Variants in SIPA1L2 observed in about 807,000 individuals in gnomAD.
SIPA1L2 encodes the protein signal-induced proliferation-associated 1-like protein 2.
Under a neutral mutation model 163.9 loss-of-function variants are expected in SIPA1L2, and 56 were observed. The observed-to-expected ratio is 0.34, with a 90% CI of 0.28 to 0.43. SIPA1L2 has a LOEUF of 0.43. Ranked by LOEUF, SIPA1L2 falls within the 20% of genes least tolerant of loss-of-function variation. SIPA1L2 has a pLI of 1.00. For missense variants in SIPA1L2, 1,974 were observed against 2,193.5 expected, an observed-to-expected ratio of 0.90 and a Z score of 2.00; for synonymous variants, 877 against 865.7, an observed-to-expected ratio of 1.01 and a Z score of -0.23.
chr1:232,603,528 CA>C (rs1661721135), intron 1 of SIPA1L2, among the ~76,000 whole-genome samples: 1 of 152,014 alleles, frequency 6.6e-6, no homozygotes. Context: ...GAGCGGAAAG[CA>C]ACAGAGGATG....
intron 2 of SIPA1L2, among the ~76,000 whole-genome samples, chr1:232,565,265 T>C (rs1348697549): frequency 2.6e-5 from 4 of 152,244 alleles, no homozygotes; most frequent in African/African-American, 9.6e-5. Context: ...AACCAGGTTG[T>C]TGTCTAACTC....
chr1:232,608,965 TC>T (rs1320681526), intron 1 of SIPA1L2, among the ~76,000 whole-genome samples: 1 of 148,572 alleles, frequency 6.7e-6, no homozygotes, highest in African/African-American at 2.5e-5. Context: ...TTAACCGACA[TC>T]CCCTCCTTTA....
intron 1 of SIPA1L2, among the ~76,000 whole-genome samples, chr1:232,607,991 G>T (rs1179309894): frequency 6.9e-6 from 1 of 144,462 alleles, no homozygotes; most frequent in African/African-American, 2.6e-5. Flanking sequence ...GGAGGCGGAG[G>T]TTGCGGTGAG....
chr1:232,423,621 C>T (rs1661706574), intron 18 of SIPA1L2, among the ~76,000 whole-genome samples: 2 of 152,252 alleles, frequency 1.3e-5, no homozygotes, highest in South Asian at 2.1e-4. Flanking sequence ...ACTCTTAGTG[C>T]TTTTTCTAGA....
chr1:232,571,561 A>G (rs1327708774), intron 2 of SIPA1L2, among the ~76,000 whole-genome samples: 1 of 152,268 alleles, frequency 6.6e-6, no homozygotes, highest in Non-Finnish European at 1.5e-5. Flanking sequence ...GTGCACACAC[A>G]TGATATGGCT....
At chr1:232,447,577 T>C (rs981098732) in intron 10 of SIPA1L2, among the ~76,000 whole-genome samples, 4 of 152,280 alleles carry the variant, frequency 2.6e-5, no homozygotes, top group Admixed American at 6.5e-5. Flanking sequence ...GGAAGGCACC[T>C]TTCTGACACA....
intron 22 of SIPA1L2, 63 bp downstream of exon 22, chr1:232,402,329 G>T: frequency 7.0e-7 from 1 of 1,432,070 alleles, no homozygotes. Flanking sequence ...TTTATCTGTA[G>T]TAGTTATAAG....
At chr1:232,405,099 G>GGTCATACAC (rs969291961) in intron 19 of SIPA1L2, among the ~76,000 whole-genome samples, 9 of 152,186 alleles carry the variant, frequency 5.9e-5, no homozygotes, top group Non-Finnish European at 1.3e-4. Context: ...TACACTTCCA[G>GGTCATACAC]TTAATTAAAA....
intron 5 of SIPA1L2, among the ~76,000 whole-genome samples, chr1:232,485,944 C>G (rs1279630595): frequency 2.0e-5 from 3 of 152,208 alleles, no homozygotes; most frequent in African/African-American, 7.2e-5. Context: ...GGAGGTCACT[C>G]TGCTCTGGTG....
chr1:232,484,628 T>C (rs1665554686), intron 5 of SIPA1L2, among the ~76,000 whole-genome samples: 2 of 152,210 alleles, frequency 1.3e-5, no homozygotes, highest in South Asian at 4.1e-4. Context: ...CCACAAAGAA[T>C]CCAATAGCAA....
chr1:232,493,717 A>G (rs555433672), intron 3 of SIPA1L2, 57 bp from the exon 4 acceptor site: 2 of 1,599,846 alleles, frequency 1.3e-6, no homozygotes, highest in Admixed American at 3.4e-5. Flanking sequence ...AAAGAGCAGG[A>G]TGGATATCTC....
At chr1:232,576,001 G>A (rs146805577) in intron 1 of SIPA1L2, among the ~76,000 whole-genome samples, 1,717 of 152,278 alleles carry the variant, frequency 0.011, 18 homozygotes, top group South Asian at 0.015. Context: ...AAAGTACAAC[G>A]GTGGCTGCCA....
chr1:232,460,930 T>G lies in SIPA1L2; in HGVS notation c.3052A>C (p.Lys1018Gln). ...TCATGGGGCTGGATGATGACCACCT[T>G]CACAGTCACAGAAGTACGGAGCAGG... Reference protein sequence around the residue: ...IDLLRTSVTVKVVIIQPHDDG... With the variant: ...IDLLRTSVTVQVVIIQPHDDG... The change falls in exon 10 of 23, where the codon AAG becomes CAG. Residue 1018 changes from lysine (K) to glutamine (Q), a missense_variant. Around this residue, in one of 3 missense-constraint regions of SIPA1L2, gnomAD observed 1,079 missense variants for 1,150.7 expected, o/e 0.94. Coordinates refer to ENST00000674635, the MANE Select transcript of SIPA1L2 (RefSeq NM_020808.5). 1 of 1,614,190 alleles carries G rather than the reference T, an allele frequency of 6.2e-7. No individual in the cohort carries two copies. Among genetic ancestry groups the G allele is most frequent in the Non-Finnish European group, 8.5e-7 (1 of 1,180,036 alleles).
intron 2 of SIPA1L2, among the ~76,000 whole-genome samples, chr1:232,541,854 T>A (rs953935544): frequency 2.2e-5 from 3 of 135,678 alleles, no homozygotes; most frequent in Non-Finnish European, 3.1e-5. Context: ...CCTACAGATT[T>A]AAAAAAAAAA....
chr1:232,554,037 T>C (rs1374206658), intron 2 of SIPA1L2, among the ~76,000 whole-genome samples: 1 of 152,182 alleles, frequency 6.6e-6, no homozygotes, highest in African/African-American at 2.4e-5. Context: ...ATTTATAAAC[T>C]ACTGCAGGAG....
At chr1:232,406,860 A>G (rs1660668060) in intron 19 of SIPA1L2, among the ~76,000 whole-genome samples, 1 of 152,252 alleles carries the variant, frequency 6.6e-6, no homozygotes. Flanking sequence ...TTCCACAAAT[A>G]AAGCTGTTCT....
chr1:232,576,609 A>C (rs1285677), intron 1 of SIPA1L2, among the ~76,000 whole-genome samples: 87,861 of 152,014 alleles, frequency 0.58, 25,886 homozygotes, highest in East Asian at 0.85. Flanking sequence ...CACTTTAAAT[A>C]AAAAACCAGA....
chr1:232,452,411 C>T (rs952560610), intron 10 of SIPA1L2, among the ~76,000 whole-genome samples: 1 of 151,522 alleles, frequency 6.6e-6, no homozygotes, highest in Non-Finnish European at 1.5e-5. Context: ...CCCAGGAAGG[C>T]CCCCACAGTT....
chr1:232,581,840 C>T (rs1431497630), intron 1 of SIPA1L2, among the ~76,000 whole-genome samples: 1 of 152,134 alleles, frequency 6.6e-6, no homozygotes, highest in East Asian at 1.9e-4. Context: ...TCCTTTGCGC[C>T]TAAAAGCCCC....
Sources: gnomAD v4.1 joint callset for allele counts (sites outside exome capture counted in the v4.1 genomes callset) on GRCh38, gnomAD v4.1.1 for gene constraint, gnomAD v4.1.1 regional missense constraint, MANE v1.5 for transcripts, NCBI Gene and HGNC (gene_info 2026-07-23, HGNC 2026-07-21) for gene names.